The following ATP7B variants were observed in gnomAD, a reference collection of about 807,000 sequenced individuals.
ATP7B encodes ATPase copper transporting beta, also known as copper-transporting ATPase 2.
In ATP7B, 113 loss-of-function variants were observed where a neutral mutation model predicts 118.9. The ratio of observed to expected loss-of-function variants is 0.95; its 90% CI spans 0.82 to 1.11. The LOEUF (loss-of-function observed/expected upper bound fraction) is 1.11, where lower values mean the gene tolerates loss of function less well. ATP7B is among the 50% of genes most tolerant of loss of function. ATP7B has a pLI of 0.00. For synonymous variants in ATP7B, 777 were observed against 727.4 expected (o/e 1.07, Z -1.10); for missense variants, 1,867 against 1,871.4 (o/e 1.00, Z 0.04).
rs200605351 is a variant in ATP7B at position 51,974,610 on chromosome 13, T to C, written c.610A>G (p.Met204Val). Residue 204 changes from methionine to valine, a missense_variant, in exon 2 of 21, where the codon ATG becomes GTG. Coordinates refer to ENST00000242839, the MANE Select transcript of ATP7B (RefSeq NM_000053.4). ...CTCTTGATGGCAGCTTCAAATCCCA[T>C]GTCATTTACATGGTCCCTGAGGTCT... ...PEDLRDHVND[M>V]GFEAAIKSKV... 4.5e-5 allele frequency: 72 copies of C among 1,613,590 alleles called. No individual in the cohort carries two copies. The highest frequency in any genetic ancestry group is 3.6e-5 in the Non-Finnish European group (43 of 1,179,784).
At chr13:51,948,897 C>T (rs188125684) in intron 12 of ATP7B, among the ~76,000 whole-genome samples, 13 of 152,138 alleles carry the variant, frequency 8.5e-5, no homozygotes, top group Non-Finnish European at 1.9e-4. Context: ...AAGCTATTCA[C>T]GCCTGGGTGC....
intron 11 of ATP7B, 83 bp downstream of exon 11, chr13:51,949,924 T>TA: frequency 3.7e-6 from 6 of 1,611,634 alleles, no homozygotes; most frequent in Non-Finnish European, 5.1e-6. Flanking sequence ...CTCTACTCAA[T>TA]AAAACTGTCT....
chr13:51,962,665 T>C (rs957289123), intron 5 of ATP7B, among the ~76,000 whole-genome samples: 3 of 152,116 alleles, frequency 2.0e-5, no homozygotes, highest in Non-Finnish European at 2.9e-5. Flanking sequence ...AGCCTAATTA[T>C]ATTAGCAAAA....
chr13:51,975,268 G>T, intron 1 of ATP7B, 100 bp from the exon 2 acceptor site: 1 of 1,456,184 alleles, frequency 6.9e-7, no homozygotes, highest in Non-Finnish European at 9.6e-7. Flanking sequence ...CAATGCCACT[G>T]GTGTCAAAAT....
intron 9 of ATP7B, among the ~76,000 whole-genome samples, chr13:51,954,988 G>A (rs569948079): frequency 6.6e-6 from 1 of 152,300 alleles, no homozygotes; most frequent in South Asian, 2.1e-4. Flanking sequence ...TGGAGACTAA[G>A]CAGCAGCAGC....
intron 1 of ATP7B, among the ~76,000 whole-genome samples, chr13:52,002,367 G>A (rs917630939): frequency 1.3e-5 from 2 of 149,972 alleles, no homozygotes; most frequent in African/African-American, 4.9e-5. Flanking sequence ...TTTAAAACCA[G>A]CTTGGGCAAC....
At chr13:51,953,707 C>T (rs9535802) in intron 9 of ATP7B, among the ~76,000 whole-genome samples, 9 of 152,260 alleles carry the variant, frequency 5.9e-5, no homozygotes, top group Middle Eastern at 3.4e-3. Flanking sequence ...TTAAGAGTTT[C>T]TGCCAGGAAT....
chr13:51,950,685 T>C (rs1273539728), intron 9 of ATP7B, among the ~76,000 whole-genome samples: 1 of 151,956 alleles, frequency 6.6e-6, no homozygotes, highest in Non-Finnish European at 1.5e-5. Context: ...GTATTAAATA[T>C]TAATAAGTGC....
Position 51,968,436 on chromosome 13 carries a change from G to A in ATP7B, c.1707+8C>T, listed in dbSNP as rs373603934. ...CCTGTAACCCCGTAACGCACCCACA[G>A]TACTTACTGTCAGCTCAATGTTGCC... is the stretch of plus-strand genomic sequence containing the variant. On this transcript the variant is annotated splice_region_variant and intron_variant, in intron 4 of 20. Transcript: ENST00000242839. The A allele has an allele frequency of 6.8e-6, 11 of 1,614,068 alleles. No homozygotes were observed. Among genetic ancestry groups the A allele is most frequent in the African/African-American group, 1.3e-5 (1 of 74,924 alleles).
At chr13:51,954,327 C>T (rs1429495414) in intron 9 of ATP7B, among the ~76,000 whole-genome samples, 4 of 152,190 alleles carry the variant, frequency 2.6e-5, no homozygotes, top group South Asian at 2.1e-4. Context: ...CTCACTGCCA[C>T]GTTAGGAAGG....
intron 6 of ATP7B, among the ~76,000 whole-genome samples, chr13:51,961,508 C>T (rs890272563): frequency 4.6e-5 from 7 of 152,196 alleles, no homozygotes; most frequent in Non-Finnish European, 1.0e-4. Context: ...AACTTAAGTG[C>T]TGTCCAATCT....
At position 51,974,631 on chromosome 13, in the gene ATP7B, G is replaced by A. The variant is rs745909234; in HGVS notation, c.589C>T (p.Leu197Phe). ...CCCATGTCATTTACATGGTCCCTGA[G>A]GTCTTCGGGCTGAATGAGATAAGGC... Reference protein sequence around the residue: ...YQPYLIQPEDLRDHVNDMGFE... With the variant: ...YQPYLIQPEDFRDHVNDMGFE... The change falls in exon 2 of 21, where the codon CTC becomes TTC. Residue 197 changes from leucine (L) to phenylalanine (F), a missense_variant. Physicochemically the swap from Leu to Phe is conservative, Grantham distance 22 (BLOSUM62 0). Coordinates refer to ENST00000242839, the MANE Select transcript of ATP7B (RefSeq NM_000053.4). The A allele has an allele frequency of 8.0e-5, 129 of 1,612,674 alleles. No homozygotes were observed. Among genetic ancestry groups the A allele is most frequent in the Non-Finnish European group, 1.0e-4 (120 of 1,179,162 alleles).
chr13:52,007,893 G>A (rs1953848391), intron 1 of ATP7B, among the ~76,000 whole-genome samples: 1 of 152,110 alleles, frequency 6.6e-6, no homozygotes, highest in African/African-American at 2.4e-5. Flanking sequence ...GGAAAAGATA[G>A]GGCAAAATAT....
chr13:51,987,021 C>T (rs1389336124), intron 1 of ATP7B, among the ~76,000 whole-genome samples: 1 of 152,164 alleles, frequency 6.6e-6, no homozygotes, highest in East Asian at 1.9e-4. Context: ...GACAAGGATG[C>T]CCTCTCTCAC....
intron 9 of ATP7B, 101 bp from the exon 10 acceptor site, chr13:51,950,500 T>G: frequency 3.3e-6 from 5 of 1,506,560 alleles, no homozygotes; most frequent in Non-Finnish European, 4.6e-6. Flanking sequence ...TTGCTTATAC[T>G]GAGCAACAGT....
Position 51,948,066 on chromosome 13 carries a change from T to C in ATP7B, c.2866-1588A>G, listed in dbSNP as rs1271159619. Among the ~76,000 whole-genome samples the C allele has an allele frequency of 2.6e-5, 4 of 152,196 alleles. No individual in the cohort carries two copies. In the East Asian group the frequency reaches 7.7e-4, roughly 29 times the overall value. ...CACAGGCACATTCTACCAATATATCTGTAAGTTACTTTTAAGAGCACTGAG... is the reference window on the plus strand; with the variant it reads ...CACAGGCACATTCTACCAATATATCCGTAAGTTACTTTTAAGAGCACTGAG... On this transcript the variant is annotated intron_variant, in intron 12 of 20. Transcript: ENST00000242839.
upstream of ATP7B, chr13:52,012,010 AAC>A: frequency 2.8e-6 from 1 of 354,896 alleles, no homozygotes; most frequent in Non-Finnish European, 5.3e-6. Flanking sequence ...GGCAAGAGTG[AAC>A]TCCGCACCTG....
At chr13:52,006,965 T>C (rs1404193915) in intron 1 of ATP7B, among the ~76,000 whole-genome samples, 1 of 152,056 alleles carries the variant, frequency 6.6e-6, no homozygotes, top group Non-Finnish European at 1.5e-5. Flanking sequence ...GGCTGACCTC[T>C]CTTCATCTAT....
At chr13:52,000,830 G>T (rs771367861) in intron 1 of ATP7B, among the ~76,000 whole-genome samples, 4 of 152,172 alleles carry the variant, frequency 2.6e-5, no homozygotes, top group Non-Finnish European at 5.9e-5. Flanking sequence ...AGAACAGCTT[G>T]GGCAACATAG....
Sources: allele counts gnomAD v4.1 joint callset (sites outside exome capture counted in the v4.1 genomes callset), GRCh38; gene constraint gnomAD v4.1.1; transcripts MANE v1.5; gene names NCBI Gene and HGNC (gene_info 2026-07-23, HGNC 2026-07-21).